The following RAB10 variants were observed in gnomAD, a reference collection of about 807,000 sequenced individuals.
RAB10 encodes the protein ras-related protein Rab-10.
RAB10 carries 5 observed loss-of-function variants against 25.7 expected under a neutral mutation model. The ratio of observed to expected loss-of-function variants is 0.19; its 90% CI spans 0.10 to 0.41. The LOEUF is 0.41. Ranked by LOEUF, RAB10 falls within the 10% of genes least tolerant of loss-of-function variation. The pLI is 1.00. For missense variants in RAB10, 103 were observed against 245.8 expected, an observed-to-expected ratio of 0.42 and a Z score of 3.89; for synonymous variants, 89 against 86.4, an observed-to-expected ratio of 1.03 and a Z score of -0.16.
intron 1 of RAB10, among the ~76,000 whole-genome samples, chr2:26,037,639 C>T (rs75347811): frequency 7.5e-6 from 1 of 133,024 alleles, no homozygotes; most frequent in Non-Finnish European, 1.6e-5. Context: ...AACTCTGTCT[C>T]AAAAAAAAAA....
At chr2:26,034,036 C>A (rs1559573727), upstream of RAB10, 3 of 399,752 alleles carry the variant, frequency 7.5e-6, no homozygotes, top group Non-Finnish European at 1.3e-5. Context: ...CAGAGGCGGA[C>A]CGCAAGGCTA....
chr2:26,096,233 G>C (rs1667206859), intron 1 of RAB10, among the ~76,000 whole-genome samples: 1 of 152,082 alleles, frequency 6.6e-6, no homozygotes, highest in Admixed American at 6.6e-5. Flanking sequence ...GCTTTTTACT[G>C]TCTTTTTACT....
At chr2:26,061,882 A>G (rs557170064) in intron 1 of RAB10, among the ~76,000 whole-genome samples, 42 of 151,562 alleles carry the variant, frequency 2.8e-4, no homozygotes, top group African/African-American at 1.0e-3. Flanking sequence ...TCAGCCTCCA[A>G]TGTAGCTGGC....
intron 1 of RAB10, among the ~76,000 whole-genome samples, chr2:26,097,029 C>T (rs1667235998): frequency 6.6e-6 from 1 of 152,066 alleles, no homozygotes; most frequent in South Asian, 2.1e-4. Context: ...CCAGCCTGGG[C>T]AACGTGGCAA....
rs751277669 is a variant in RAB10, at chr2:26,098,643, C to CT, written c.128-12dup. On this transcript the variant is annotated intron_variant, in intron 1 of 5. Coordinates refer to ENST00000264710, the MANE Select transcript of RAB10 (RefSeq NM_016131.5). ...ATGTAAAGCCACAGTTACAGTTTAC[C>CT]TTTTTTTCTGCATTGTAGGAATAGA... 4.5e-6 allele frequency: 7 copies of CT among 1,547,140 alleles called. No individual in the cohort carries two copies. In the Admixed American group the frequency reaches 7.0e-5, roughly 15 times the overall value.
chr2:26,116,309 T>C (rs996093137), intron 3 of RAB10, among the ~76,000 whole-genome samples: 3 of 152,162 alleles, frequency 2.0e-5, no homozygotes, highest in African/African-American at 7.2e-5. Flanking sequence ...TGTGCCACCA[T>C]GCCTGACTCA....
At chr2:26,067,903 A>C (rs1291651722) in intron 1 of RAB10, among the ~76,000 whole-genome samples, 1 of 152,234 alleles carries the variant, frequency 6.6e-6, no homozygotes, top group Non-Finnish European at 1.5e-5. Flanking sequence ...ATAAATGAAG[A>C]CTTGAGGTCA....
intron 1 of RAB10, among the ~76,000 whole-genome samples, chr2:26,047,241 C>T (rs1196436658): frequency 2.0e-5 from 3 of 152,154 alleles, no homozygotes; most frequent in Non-Finnish European, 4.4e-5. Context: ...CACTCCAAAC[C>T]TTGGTAACTA....
intron 1 of RAB10, among the ~76,000 whole-genome samples, chr2:26,041,319 T>A (rs1364029329): frequency 6.6e-6 from 1 of 151,796 alleles, no homozygotes; most frequent in South Asian, 2.1e-4. Flanking sequence ...TGCAGGTGGA[T>A]CACCAGAGGT....
chr2:26,061,092 C>CTTTTTTTTTTTTTTTTTTTTTTTT (rs5829993), intron 1 of RAB10, among the ~76,000 whole-genome samples: 53 of 83,644 alleles, frequency 6.3e-4, no homozygotes, highest in South Asian at 1.7e-3. Context: ...TTATCTCTGT[C>CTTTTTTTTTTTTTTTTTTTTTTTT]TTTTTTTTTT....
intron 1 of RAB10, among the ~76,000 whole-genome samples, chr2:26,071,827 A>G (rs1666632534): frequency 6.6e-6 from 1 of 152,150 alleles, no homozygotes; most frequent in Middle Eastern, 3.4e-3. Flanking sequence ...TGATTACACT[A>G]CTGCACTACA....
chr2:26,043,020 A>G (rs1167445447), intron 1 of RAB10, among the ~76,000 whole-genome samples: 1 of 152,204 alleles, frequency 6.6e-6, no homozygotes, highest in Non-Finnish European at 1.5e-5. Context: ...GGAATGTGAA[A>G]TGGTGCAGCC....
chr2:26,086,622 A>T (rs964549033), intron 1 of RAB10, among the ~76,000 whole-genome samples: 3 of 152,144 alleles, frequency 2.0e-5, no homozygotes, highest in African/African-American at 7.2e-5. Context: ...GAAAACAGAT[A>T]CTCAAATACA....
At chr2:26,073,813 T>C (rs1391036322) in intron 1 of RAB10, among the ~76,000 whole-genome samples, 2 of 152,172 alleles carry the variant, frequency 1.3e-5, no homozygotes, top group African/African-American at 2.4e-5. Flanking sequence ...TCAAGTGTTA[T>C]GAAGAAAACT....
intron 3 of RAB10, among the ~76,000 whole-genome samples, chr2:26,124,367 G>GC (rs1423527716): frequency 2.6e-5 from 1 of 38,202 alleles, no homozygotes; most frequent in African/African-American, 9.2e-5. Context: ...TGTTGCTGTT[G>GC]TTTTTCTTAT....
At chr2:26,061,376 C>T (rs1666391321) in intron 1 of RAB10, among the ~76,000 whole-genome samples, 1 of 151,952 alleles carries the variant, frequency 6.6e-6, no homozygotes, top group African/African-American at 2.4e-5. Context: ...CTGTGCCTCC[C>T]AAAGTGCTGG....
At chr2:26,087,137 AAAAAAT>A (rs1403142069) in intron 1 of RAB10, among the ~76,000 whole-genome samples, 1 of 152,140 alleles carries the variant, frequency 6.6e-6, no homozygotes, top group African/African-American at 2.4e-5. Context: ...ATTTTACCTC[AAAAAAT>A]AAAAATGAAC....
chr2:26,034,751 G>C lies in RAB10; in HGVS notation c.127+16G>C, dbSNP rs368698531. 2.5e-6 allele frequency: 4 copies of C among 1,614,076 alleles called. No homozygotes were observed. The highest frequency in any genetic ancestry group is 3.4e-6 in the Non-Finnish European group (4 of 1,179,942). On this transcript the variant is annotated intron_variant, in intron 1 of 5. Coordinates refer to ENST00000264710, the MANE Select transcript of RAB10 (RefSeq NM_016131.5). ...TCCACCATAGGTAAGACCTGTGGGA[G>C]GACGGTGTACGGTCTCGGTAGCTGC...
intron 3 of RAB10, among the ~76,000 whole-genome samples, chr2:26,117,977 GTTC>G (rs1237673481): frequency 1.3e-5 from 2 of 152,098 alleles, no homozygotes; most frequent in East Asian, 3.9e-4. Flanking sequence ...ATAAAAAGAT[GTTC>G]TTTTTTTTTG....
Sources: allele counts gnomAD v4.1 joint callset (sites outside exome capture counted in the v4.1 genomes callset), GRCh38; gene constraint gnomAD v4.1.1; transcripts MANE v1.5; gene names NCBI Gene and HGNC (gene_info 2026-07-23, HGNC 2026-07-21).